Variants in TENM3 observed in about 807,000 individuals in gnomAD.
TENM3 encodes the protein teneurin transmembrane protein 3.
TENM3 carries 63 observed loss-of-function variants against 255.1 expected under a neutral mutation model. The observed-to-expected ratio is 0.25, with a 90% CI of 0.20 to 0.30. The LOEUF (loss-of-function observed/expected upper bound fraction) is 0.30, where lower values mean the gene tolerates loss of function less well. Ranked by LOEUF, TENM3 falls within the 10% of genes least tolerant of loss-of-function variation. TENM3 has a pLI of 1.00. For synonymous variants in TENM3, 1,306 were observed against 1,322.3 expected (o/e 0.99, Z 0.27); for missense variants, 2,929 against 3,461.1 (o/e 0.85, Z 3.86).
the TENM3 span, among the ~76,000 whole-genome samples, chr4:181,977,022 T>A: frequency 6.6e-6 from 1 of 152,162 alleles, no homozygotes; most frequent in Non-Finnish European, 1.5e-5. Context: ...AATGCACCCC[T>A]CCTTTGCTTA....
the TENM3 span, among the ~76,000 whole-genome samples, chr4:182,051,434 G>A: frequency 2.8e-5 from 4 of 144,202 alleles, no homozygotes; most frequent in African/African-American, 1.0e-4. Flanking sequence ...CCAGACTGCA[G>A]TGGCGCTATC....
chr4:182,660,713 AT>A (rs1581240691), intron 6 of TENM3, among the ~76,000 whole-genome samples: 4 of 152,320 alleles, frequency 2.6e-5, no homozygotes, highest in South Asian at 2.1e-4. Flanking sequence ...ATTATCGTGT[AT>A]TTTTTAATGC....
At chr4:182,617,802 T>A (rs17324527) in intron 4 of TENM3, among the ~76,000 whole-genome samples, 30,526 of 152,204 alleles carry the variant, frequency 0.2, 3,672 homozygotes, top group Non-Finnish European at 0.27. Flanking sequence ...AGGTCACTTT[T>A]AGTTTAATGT....
chr4:182,321,250 A>C (rs973060388), intron 1 of TENM3, among the ~76,000 whole-genome samples: 1 of 152,220 alleles, frequency 6.6e-6, no homozygotes, highest in South Asian at 2.1e-4. Flanking sequence ...CCATAAGGAC[A>C]GGAACATTTA....
chr4:181,862,383 C>A, the TENM3 span, among the ~76,000 whole-genome samples: 1 of 152,036 alleles, frequency 6.6e-6, no homozygotes, highest in Non-Finnish European at 1.5e-5. Context: ...TCCTGTAAAT[C>A]ATTTTATTTT....
the TENM3 span, among the ~76,000 whole-genome samples, chr4:181,453,488 G>A: frequency 3.9e-5 from 6 of 152,070 alleles, no homozygotes; most frequent in Admixed American, 3.3e-4. Context: ...GATGCCATCC[G>A]ATGACAGAAG....
intron 13 of TENM3, among the ~76,000 whole-genome samples, chr4:182,721,614 G>A (rs959420064): frequency 6.6e-5 from 10 of 152,146 alleles, no homozygotes; most frequent in Non-Finnish European, 1.5e-4. Context: ...TGGATTTTTA[G>A]AGGTGAACTT....
At chr4:182,544,039 A>G (rs927032942) in intron 3 of TENM3, among the ~76,000 whole-genome samples, 4 of 152,238 alleles carry the variant, frequency 2.6e-5, no homozygotes, top group Non-Finnish European at 5.9e-5. Flanking sequence ...AAATAAAGGG[A>G]AAGATAACAC....
At chr4:181,718,087 G>T in the TENM3 span, among the ~76,000 whole-genome samples, 1 of 150,236 alleles carries the variant, frequency 6.7e-6, no homozygotes, top group Admixed American at 6.6e-5. Context: ...GAACTAAAAG[G>T]AAATAATCAT....
chr4:182,269,283 C>T (rs1474039298), intron 1 of TENM3, among the ~76,000 whole-genome samples: 1 of 152,062 alleles, frequency 6.6e-6, no homozygotes, highest in Admixed American at 6.5e-5. Flanking sequence ...CAGCCCCAGC[C>T]ACTAAACCCT....
the TENM3 span, among the ~76,000 whole-genome samples, chr4:181,702,762 T>C: frequency 6.6e-6 from 1 of 152,208 alleles, no homozygotes; most frequent in Admixed American, 6.5e-5. Context: ...TTCTATTTTT[T>C]TGAATCTCAG....
chr4:182,387,713 G>T (rs1005021553), intron 3 of TENM3, among the ~76,000 whole-genome samples: 6 of 151,904 alleles, frequency 3.9e-5, no homozygotes, highest in Non-Finnish European at 7.4e-5. Flanking sequence ...CACTCACCGC[G>T]AAGGTCTGCA....
chr4:182,602,357 C>T (rs755537596), intron 4 of TENM3, among the ~76,000 whole-genome samples: 6 of 152,184 alleles, frequency 3.9e-5, no homozygotes, highest in African/African-American at 9.6e-5. Flanking sequence ...CTAGAGCTTC[C>T]GGTTAACATT....
rs774293973 is a variant in TENM3 at position 182,793,605 on chromosome 4, T to C, written c.6933T>C (p.Leu2311=). Residue 2311 remains leucine, a synonymous_variant, in exon 26 of 28, where the codon CTT becomes CTC. Coordinates refer to ENST00000511685, the MANE Select transcript of TENM3 (RefSeq NM_001080477.4). The surrounding 1 kb of genome is among the most constrained non-coding windows in gnomAD (Gnocchi z 5.7). The part of the protein sequence containing the change: ...TPLAVFSSNG[L]MLKQIQYTAY... ...TGGCTGTGTTCAGTAGCAATGGGCT[T>C]ATGCTGAAACAGATTCAGTACACTG... 9.0e-5 allele frequency: 145 copies of C among 1,613,910 alleles called. No individual in the cohort carries two copies. Among genetic ancestry groups the C allele is most frequent in the Non-Finnish European group, 1.2e-4 (137 of 1,179,890 alleles).
In TENM3 at chr4:182,628,676, G is replaced by C; in HGVS notation, c.775G>C (p.Gly259Arg). 1 of 1,597,604 alleles carries C rather than the reference G, an allele frequency of 6.3e-7. No individual in the cohort carries two copies. Reference protein sequence around the residue: ...SRHFLFKTGTGTTPLFSTATP... With the variant: ...SRHFLFKTGTRTTPLFSTATP... ...GCATTTCCTATTCAAAACAGGAACA[G>C]GTACAACGCCACTGTTCAGTACTGC... is the stretch of plus-strand genomic sequence containing the variant. Residue 259 changes from glycine to arginine, a missense_variant, in exon 5 of 28, where the codon GGT becomes CGT. Coordinates refer to ENST00000511685, the MANE Select transcript of TENM3 (RefSeq NM_001080477.4).
the TENM3 span, among the ~76,000 whole-genome samples, chr4:181,952,206 G>A: frequency 8.5e-5 from 13 of 152,128 alleles, no homozygotes; most frequent in Admixed American, 2.6e-4. Flanking sequence ...GCAAATCATC[G>A]TGTGTTTCTA....
the TENM3 span, among the ~76,000 whole-genome samples, chr4:181,503,425 T>C: frequency 6.6e-6 from 1 of 152,208 alleles, no homozygotes; most frequent in Admixed American, 6.5e-5. Context: ...TTTGTAGCTA[T>C]AAAATTTTCT....
the TENM3 span, among the ~76,000 whole-genome samples, chr4:182,058,829 T>C: frequency 6.6e-6 from 1 of 152,138 alleles, no homozygotes; most frequent in South Asian, 2.1e-4. Context: ...TCTGAAGACA[T>C]AAAATATTAG....
intron 3 of TENM3, among the ~76,000 whole-genome samples, chr4:182,449,721 GT>G (rs778987548): frequency 2.0e-5 from 3 of 152,212 alleles, no homozygotes; most frequent in Non-Finnish European, 2.9e-5. Flanking sequence ...TTAAAGAGCA[GT>G]CTTTTGCCTG....
Sources: gnomAD v4.1 joint callset for allele counts (sites outside exome capture counted in the v4.1 genomes callset) on GRCh38, gnomAD v4.1.1 for gene constraint, Gnocchi (gnomAD v3.1) non-coding constraint, MANE v1.5 for transcripts, NCBI Gene and HGNC (gene_info 2026-07-23, HGNC 2026-07-21) for gene names.